XIRP2: variants seen among roughly 807,000 people sequenced by gnomAD.
XIRP2 encodes xin actin-binding repeat-containing protein 2.
In XIRP2, 236 loss-of-function variants were observed where a neutral mutation model predicts 277.0. The ratio of observed to expected loss-of-function variants is 0.85; its 90% confidence interval spans 0.77 to 0.95. The LOEUF is 0.95. Ranked by LOEUF, XIRP2 falls within the 40% of genes least tolerant of loss-of-function variation. XIRP2 has a pLI of 0.00. For synonymous variants in XIRP2, 1,490 were observed against 1,416.5 expected (o/e 1.05, Z -1.17); for missense variants, 4,640 against 4,157.5 (o/e 1.12, Z -3.19).
chr2:167,176,066 G>A (rs1176425556), intron 3 of XIRP2, among the ~76,000 whole-genome samples: 1 of 152,116 alleles, frequency 6.6e-6, no homozygotes, highest in Non-Finnish European at 1.5e-5. Context: ...CATGGGGGTG[G>A]GATCTGCTGA....
chr2:167,023,525 TTGCCCA>T (rs996480462), intron 2 of XIRP2, among the ~76,000 whole-genome samples: 25 of 152,102 alleles, frequency 1.6e-4, no homozygotes, highest in Non-Finnish European at 2.9e-4. Context: ...CATGAAGTCC[TTGCCCA>T]TGCCTATGTC....
rs145171583 is a variant in XIRP2 at position 167,242,707 on chromosome 2, G to A, written c.1315G>A (p.Ala439Thr). The A allele has an allele frequency of 1.5e-5, 25 of 1,613,976 alleles. No homozygotes were observed. In the African/African-American group the frequency reaches 2.4e-4, roughly 15 times the overall value. ...SDHSVTSSTL[A>T]QINATSSGMT... is the part of the protein sequence containing the mutation. ...TCACAGTGTCACTTCCTCAACTCTGGCACAAATTAATGCTACTTCTTCAGG... is the reference window on the plus strand; with the variant it reads ...TCACAGTGTCACTTCCTCAACTCTGACACAAATTAATGCTACTTCTTCAGG... Residue 439 changes from alanine (A) to threonine (T), a missense_variant, in exon 9 of 11, where the codon GCA becomes ACA. Physicochemically the swap from Ala to Thr is moderately conservative, Grantham distance 58. Transcript: ENST00000409195.
chr2:167,012,319 C>T (rs536191669), intron 2 of XIRP2, among the ~76,000 whole-genome samples: 3 of 151,824 alleles, frequency 2.0e-5, no homozygotes, highest in African/African-American at 7.2e-5. Flanking sequence ...TCGTTATGTA[C>T]CCTTTTAATC....
chr2:166,910,876 T>A (rs1435791930), intron 2 of XIRP2, among the ~76,000 whole-genome samples: 3 of 152,226 alleles, frequency 2.0e-5, no homozygotes, highest in Non-Finnish European at 4.4e-5. Context: ...ATATACCCAG[T>A]AGTCATTCAG....
At chr2:166,953,066 A>G (rs558895752) in intron 2 of XIRP2, among the ~76,000 whole-genome samples, 11 of 152,124 alleles carry the variant, frequency 7.2e-5, no homozygotes, top group African/African-American at 2.6e-4. Context: ...AAAATAGCCT[A>G]CTGGTTCTGG....
In XIRP2 at chr2:167,250,929, T is replaced by A. The variant is rs770603207; in HGVS notation, c.9537T>A (p.Ser3179=). 6.2e-7 allele frequency: 1 copy of A among 1,613,360 alleles called. No individual in the cohort carries two copies. Among genetic ancestry groups the A allele is most frequent in the Non-Finnish European group, 8.5e-7 (1 of 1,179,708 alleles). The change falls in exon 9 of 11, where the codon TCT becomes TCA. Residue 3179 remains serine (S), a synonymous_variant. Coordinates refer to ENST00000409195, the MANE Select transcript of XIRP2 (RefSeq NM_152381.6). ...CCCCTTCTCCACCCAGGAGTCGCTC[T>A]GAACAACTTGTCAGACTCAAAGACA... is the stretch of plus-strand genomic sequence containing the variant. The part of the protein sequence containing the change: ...NTSPSPPRSR[S]EQLVRLKDTT...
chr2:167,148,859 G>T lies in XIRP2; in HGVS notation c.562+12797G>T, dbSNP rs16853054. ...GAAATCCACTGAGACTGAGAACAAA[G>T]TGAAAGTACAATTTTAGGGAGGTAA... On this transcript the variant is annotated intron_variant, in intron 3 of 10. Coordinates refer to ENST00000409195, the MANE Select transcript of XIRP2 (RefSeq NM_152381.6). Among the ~76,000 whole-genome samples, 1,223 of 152,130 alleles carry T rather than the reference G, an allele frequency of 8.0e-3. 42 individuals carry two copies. In the East Asian group the frequency reaches 0.093, roughly 12 times the overall value.
intron 4 of XIRP2, 94 bp downstream of exon 4, chr2:167,210,989 AGG>A (rs1028947552): frequency 2.7e-6 from 4 of 1,456,672 alleles, no homozygotes; most frequent in Non-Finnish European, 3.7e-6. Flanking sequence ...ACTACTGGAC[AGG>A]GGGCTAAAGT....
At chr2:167,087,763 G>A (rs576195697) in intron 2 of XIRP2, among the ~76,000 whole-genome samples, 28 of 151,630 alleles carry the variant, frequency 1.8e-4, no homozygotes, top group East Asian at 1.4e-3. Flanking sequence ...GACCCCTTGC[G>A]CTTCCCAAGT....
rs759895744 is a variant in XIRP2, at chr2:167,248,569, A to G, written c.7177A>G (p.Met2393Val). The part of the protein sequence containing the change: ...SAPEKHSGDF[M>V]QQYSQKEASN... Reference sequence around the variant, plus strand: ...TCCGGAAAAGCACAGTGGAGACTTCATGCAACAATATTCCCAAAAAGAAGC... The same window carrying G: ...TCCGGAAAAGCACAGTGGAGACTTCGTGCAACAATATTCCCAAAAAGAAGC... Residue 2393 changes from methionine (M) to valine (V), a missense_variant, in exon 9 of 11, where the codon ATG becomes GTG. By Grantham distance (21) the Met-to-Val change is conservative. Coordinates refer to ENST00000409195, the MANE Select transcript of XIRP2 (RefSeq NM_152381.6). The G allele has an allele frequency of 2.5e-6, 4 of 1,613,786 alleles. No individual in the cohort carries two copies. In the Admixed American group the frequency reaches 5.0e-5, roughly 20 times the overall value.
chr2:166,905,357 G>A (rs983769386), intron 2 of XIRP2, among the ~76,000 whole-genome samples: 1 of 151,916 alleles, frequency 6.6e-6, no homozygotes, highest in Non-Finnish European at 1.5e-5. Context: ...CTATATAAAT[G>A]ATGTAATGTA....
intron 2 of XIRP2, among the ~76,000 whole-genome samples, chr2:167,022,008 T>G (rs1687997055): frequency 6.6e-6 from 1 of 152,048 alleles, no homozygotes; most frequent in East Asian, 1.9e-4. Context: ...GATTAAACTA[T>G]GAGGTAAACA....
chr2:167,081,435 T>C (rs1375949188), intron 2 of XIRP2, among the ~76,000 whole-genome samples: 3 of 152,182 alleles, frequency 2.0e-5, no homozygotes, highest in Non-Finnish European at 4.4e-5. Context: ...ACCACTGTAC[T>C]CCAGCCTGGG....
Position 167,232,252 on chromosome 2 carries a change from G to A in XIRP2, c.859-7603G>A, listed in dbSNP as rs1177553118. On this transcript the variant is annotated intron_variant, in intron 5 of 10. Transcript: ENST00000409195. ...TCATTATAAACTGACTGTTCACTAG[G>A]TATGAGTTCATGAAAGACGAAGTGT... Among the ~76,000 whole-genome samples the A allele has an allele frequency of 5.9e-5, 9 of 151,906 alleles. No homozygotes were observed. The South Asian group carries it at 1.7e-3, about 28-fold the overall frequency.
At position 167,243,168 on chromosome 2, in the gene XIRP2, C is replaced by T. The variant is rs999420700; in HGVS notation, c.1776C>T (p.Gly592=). The stretch of plus-strand genomic sequence containing the variant: ...AACCATTGGATTCCATCAACAATGG[C>T]TCTCCTGATGAAGGTGATATTTCCA... ...ENQPLDSINN[G]SPDEGDISRG... The change falls in exon 9 of 11, where the codon GGC becomes GGT. Residue 592 remains glycine, a synonymous_variant. Transcript: ENST00000409195. 1.2e-6 allele frequency: 2 copies of T among 1,614,002 alleles called. No individual in the cohort carries two copies. The highest frequency in any genetic ancestry group is 1.3e-5 in the African/African-American group (1 of 74,910).
At chr2:167,174,565 G>T (rs568596640) in intron 3 of XIRP2, among the ~76,000 whole-genome samples, 1 of 152,202 alleles carries the variant, frequency 6.6e-6, no homozygotes, top group East Asian at 1.9e-4. Context: ...CAAAAAACAA[G>T]CTGCTGGATT....
intron 4 of XIRP2, among the ~76,000 whole-genome samples, chr2:167,216,101 C>A (rs1694240699): frequency 2.3e-5 from 3 of 129,810 alleles, no homozygotes; most frequent in Non-Finnish European, 4.8e-5. Flanking sequence ...GAAACTGGAT[C>A]CCTTCCTTAC....
rs1695783251 is a variant in XIRP2 at position 167,259,477 on chromosome 2, T to C, written c.*1660T>C. On this transcript the variant is annotated 3_prime_UTR_variant, in exon 11 of 11. Transcript: ENST00000409195. ...GAGGAACTTGATGTAAACATGGTGT[T>C]CAGAAATCTCGTGTCTATCTCAATG... The C allele has an allele frequency of 9.4e-7, 1 of 1,058,740 alleles. No homozygotes were observed. Among genetic ancestry groups the C allele is most frequent in the Admixed American group, 3.2e-5 (1 of 30,818 alleles). The allele number at this position is 1,058,740 out of a possible 1,614,324, so 65.6% of individuals were successfully genotyped here.
At chr2:167,105,951 T>C (rs918297811) in intron 2 of XIRP2, among the ~76,000 whole-genome samples, 6 of 151,688 alleles carry the variant, frequency 4.0e-5, no homozygotes, top group Non-Finnish European at 7.4e-5. Flanking sequence ...CTGTATATTC[T>C]CTGAGGTTAA....
Sources: gnomAD v4.1 joint callset for allele counts (sites outside exome capture counted in the v4.1 genomes callset) on GRCh38, gnomAD v4.1.1 for gene constraint, MANE v1.5 for transcripts, NCBI Gene and HGNC (gene_info 2026-07-23, HGNC 2026-07-21) for gene names.